NAV1: variants seen among roughly 807,000 people sequenced by gnomAD.
The protein encoded by NAV1 is neuron navigator 1.
A neutral mutation model predicts 175.2 loss-of-function variants in NAV1; 18 were observed. The ratio of observed to expected loss-of-function variants is 0.10; its 90% CI spans 0.07 to 0.15. The LOEUF is 0.15. NAV1 is among the 10% of genes least tolerant of loss of function. The pLI is 1.00. For synonymous variants in NAV1, 897 were observed against 978.7 expected (o/e 0.92, Z 1.56); for missense variants, 1,731 against 2,436.6 (o/e 0.71, Z 6.10).
intron 3 of NAV1, among the ~76,000 whole-genome samples, chr1:201,752,994 G>A (rs1369279037): frequency 6.6e-6 from 1 of 151,464 alleles, no homozygotes; most frequent in Non-Finnish European, 1.5e-5. Flanking sequence ...AAGAATGTAG[G>A]GGTAGTTTTG....
intron 1 of NAV1, among the ~76,000 whole-genome samples, chr1:201,651,833 T>C (rs1041386244): frequency 1.3e-5 from 2 of 151,968 alleles, no homozygotes; most frequent in Non-Finnish European, 2.9e-5. Context: ...CAAATCTGCC[T>C]GTCTCCAGCT....
chr1:201,637,826 T>A (rs1558029291), intron 2 of NAV1, among the ~76,000 whole-genome samples: 1 of 152,040 alleles, frequency 6.6e-6, no homozygotes, highest in African/African-American at 2.4e-5. Flanking sequence ...TCTGGGTGGG[T>A]CATGGTCTAA....
At chr1:201,672,678 C>T (rs1427918257) in intron 1 of NAV1, among the ~76,000 whole-genome samples, 1 of 152,230 alleles carries the variant, frequency 6.6e-6, no homozygotes, top group African/African-American at 2.4e-5. Context: ...AACCATTGGG[C>T]TCTGCTGCCT....
At chr1:201,583,229 C>G (rs903131188) in intron 1 of NAV1, among the ~76,000 whole-genome samples, 1 of 152,250 alleles carries the variant, frequency 6.6e-6, no homozygotes, top group Non-Finnish European at 1.5e-5. Flanking sequence ...GCGTCAGGCT[C>G]GCCCGTGTTG....
At chr1:201,604,758 G>A (rs945181645) in intron 2 of NAV1, among the ~76,000 whole-genome samples, 31 of 150,006 alleles carry the variant, frequency 2.1e-4, no homozygotes, top group African/African-American at 4.9e-4. Flanking sequence ...GAGAGAGAGA[G>A]AAATAAAGGA....
chr1:201,713,028 G>A lies in NAV1; in HGVS notation c.860+109G>A, dbSNP rs745699622. The A allele has an allele frequency of 6.7e-5, 49 of 730,664 alleles. No homozygotes were observed. In the Middle Eastern group the frequency reaches 1.2e-3, roughly 18 times the overall value. 45.3% of individuals were successfully genotyped at this position (730,664 alleles called of 1,614,324 possible). A position where few individuals can be genotyped will look rare whatever the true frequency, so the allele number is the denominator to read the frequency against. On this transcript the variant is annotated intron_variant, in intron 2 of 29. Transcript: ENST00000367296. Reference sequence around the variant, plus strand: ...TCCACACCTCTGCCAGGTCAGCCAGGTGGCCTGATGCGTGGAGCCACTGCA... The same window carrying A: ...TCCACACCTCTGCCAGGTCAGCCAGATGGCCTGATGCGTGGAGCCACTGCA...
At chr1:201,733,198 G>A (rs1672943275) in intron 3 of NAV1, among the ~76,000 whole-genome samples, 1 of 151,842 alleles carries the variant, frequency 6.6e-6, no homozygotes, top group Non-Finnish European at 1.5e-5. Context: ...GGCCAACATG[G>A]TGAAACCCCG....
chr1:201,654,580 T>C (rs1442594863), intron 1 of NAV1, among the ~76,000 whole-genome samples: 3 of 152,090 alleles, frequency 2.0e-5, no homozygotes, highest in Admixed American at 6.5e-5. Context: ...GAGCCAGTGC[T>C]GTATGGAGCA....
chr1:201,555,408 T>C (rs1272319151), intron 1 of NAV1, among the ~76,000 whole-genome samples: 9 of 152,194 alleles, frequency 5.9e-5, no homozygotes, highest in Non-Finnish European at 1.3e-4. Context: ...TGATCTGTAA[T>C]GTCTTCCCTA....
chr1:201,702,652 G>T (rs1233895128), intron 1 of NAV1, among the ~76,000 whole-genome samples: 1 of 141,064 alleles, frequency 7.1e-6, no homozygotes, highest in African/African-American at 2.8e-5. Context: ...ATTTTAAAAG[G>T]GTGAATTTTG....
rs369724948 is a variant in NAV1, at chr1:201,782,294, G to A, written c.1782G>A (p.Ser594=). ...TGAGTGATGCTAAGAAGCCCCCCTCGGGCATTGCTCGCCCCTCCACTTCGG... is the reference window on the plus strand; with the variant it reads ...TGAGTGATGCTAAGAAGCCCCCCTCAGGCATTGCTCGCCCCTCCACTTCGG... Residue 594 remains serine, a synonymous_variant, in exon 6 of 30, where the codon TCG becomes TCA. Coordinates refer to ENST00000367296, the Ensembl canonical transcript of NAV1. The surrounding 1 kb of genome is among the most constrained non-coding windows in gnomAD (Gnocchi z 5.4). The A allele has an allele frequency of 1.9e-5, 30 of 1,614,016 alleles. No homozygotes were observed. The highest frequency in any genetic ancestry group is 4.0e-5 in the African/African-American group (3 of 74,900).
intron 3 of NAV1, 117 bp from the exon 8 acceptor site, chr1:201,780,304 T>C: frequency 8.3e-7 from 1 of 1,206,488 alleles, no homozygotes; most frequent in South Asian, 1.6e-5. Context: ...CCCCAGGTTT[T>C]CTCCTTTTGG....
At chr1:201,599,642 G>A (rs571437252) in intron 2 of NAV1, among the ~76,000 whole-genome samples, 24 of 152,270 alleles carry the variant, frequency 1.6e-4, no homozygotes, top group South Asian at 4.1e-4. Flanking sequence ...TGAATTTTGC[G>A]TCTGTCATGA....
chr1:201,817,192 C>G, exon 29 of NAV1: 1 of 1,614,176 alleles, frequency 6.2e-7, no homozygotes, highest in Non-Finnish European at 8.5e-7. Flanking sequence ...ACCACCTGCC[C>G]CCACCCACCG....
chr1:201,629,248 G>A (rs1668419432), intron 1 of NAV1, among the ~76,000 whole-genome samples, 156 bp from the exon 4 acceptor site: 1 of 152,248 alleles, frequency 6.6e-6, no homozygotes, highest in African/African-American at 2.4e-5. Flanking sequence ...GGGCAGGCAT[G>A]TGCACATACC....
intron 1 of NAV1, among the ~76,000 whole-genome samples, chr1:201,659,545 A>C (rs1228873623): frequency 6.6e-6 from 1 of 152,190 alleles, no homozygotes; most frequent in Non-Finnish European, 1.5e-5. Flanking sequence ...ACTTGAGCCT[A>C]GGAAGTTGAA....
intron 2 of NAV1, among the ~76,000 whole-genome samples, chr1:201,594,573 C>G (rs991649065): frequency 6.6e-6 from 1 of 152,212 alleles, no homozygotes; most frequent in African/African-American, 2.4e-5. Context: ...ACTGGCTTTG[C>G]TGGGTTACTC....
chr1:201,627,183 C>A (rs573053950), intron 1 of NAV1, among the ~76,000 whole-genome samples: 7 of 152,336 alleles, frequency 4.6e-5, no homozygotes, highest in Admixed American at 4.6e-4. Flanking sequence ...TAACCTCAAA[C>A]TTTTGGGCTC....
At chr1:201,577,605 G>T (rs1222875849) in intron 1 of NAV1, among the ~76,000 whole-genome samples, 1 of 151,712 alleles carries the variant, frequency 6.6e-6, no homozygotes, top group Non-Finnish European at 1.5e-5. Flanking sequence ...ATTTGTGTGG[G>T]TCTGTTTCTG....
Sources: allele counts gnomAD v4.1 joint callset (sites outside exome capture counted in the v4.1 genomes callset), GRCh38; gene constraint gnomAD v4.1.1; non-coding constraint Gnocchi (gnomAD v3.1); transcripts MANE v1.5; gene names NCBI Gene and HGNC (gene_info 2026-07-23, HGNC 2026-07-21).